GSE1: variants seen among roughly 807,000 people sequenced by gnomAD.
The protein encoded by GSE1 is Gse1 coiled-coil protein, also known as genetic suppressor element 1.
A neutral mutation model predicts 112.6 loss-of-function variants in GSE1; 32 were observed. That is an observed-to-expected ratio of 0.28 (90% CI 0.21 to 0.38). GSE1 has a LOEUF of 0.38. Among genes scored for constraint, GSE1 ranks in the 10% least tolerant of loss-of-function variants. The pLI, the probability that GSE1 is intolerant of heterozygous loss-of-function variation, is 1.00. For synonymous variants in GSE1, 1,115 were observed against 735.6 expected (o/e 1.52, Z -8.35); for missense variants, 2,348 against 1,699.2 (o/e 1.38, Z -6.71).
intron 2 of GSE1, among the ~76,000 whole-genome samples, chr16:85,384,110 T>C (rs1248669843): frequency 6.6e-6 from 1 of 152,080 alleles, no homozygotes; most frequent in East Asian, 1.9e-4. Context: ...GGCCTTGCTA[T>C]GCACAATCAA....
intron 5 of GSE1, 102 bp downstream of exon 5, chr16:85,655,093 C>T (rs1345271419): frequency 7.6e-6 from 6 of 794,250 alleles, no homozygotes; most frequent in African/African-American, 1.7e-5. Flanking sequence ...GAGCCAGGCT[C>T]CTAGGGGAGG....
At chr16:85,634,362 G>T (rs935927409) in intron 2 of GSE1, among the ~76,000 whole-genome samples, 1 of 152,194 alleles carries the variant, frequency 6.6e-6, no homozygotes, top group Non-Finnish European at 1.5e-5. Context: ...GTCCTTCCTC[G>T]GCCCCCGGAG....
At chr16:85,330,576 G>C (rs553680061) in intron 1 of GSE1, among the ~76,000 whole-genome samples, 11 of 152,374 alleles carry the variant, frequency 7.2e-5, no homozygotes, top group Middle Eastern at 3.4e-3. Flanking sequence ...ACTGTGAGGG[G>C]CTGCAGCGCC....
rs869059709 is a variant in GSE1 at position 85,255,412 on chromosome 16, C to CT, written c.2283+83622dup. Among the ~76,000 whole-genome samples the CT allele has an allele frequency of 4.1e-3, 576 of 141,106 alleles. 3 individuals are homozygous for CT. The highest frequency in any genetic ancestry group is 7.8e-3 in the African/African-American group (297 of 38,300). 92.6% of individuals were successfully genotyped at this position (141,106 alleles called of 152,430 possible). ...AAAGTAGGGGTGATGTCAGTGCCTA[C>CT]TTTTTTTTTTTTTTTTTGAGACGGA... On this transcript the variant is annotated intron_variant, in intron 1 of 2. Coordinates refer to the GSE1 transcript ENST00000637419.
intron 2 of GSE1, among the ~76,000 whole-genome samples, chr16:85,517,640 C>G (rs1598035311): frequency 6.6e-6 from 1 of 152,236 alleles, no homozygotes; most frequent in East Asian, 1.9e-4. Context: ...TCGCCACCAC[C>G]TCCAGCCCCG....
intron 1 of GSE1, among the ~76,000 whole-genome samples, chr16:85,296,955 C>T (rs1471158191): frequency 6.6e-6 from 1 of 152,244 alleles, no homozygotes; most frequent in Non-Finnish European, 1.5e-5. Context: ...CTTCCCCGGC[C>T]AGTGCCCGAT....
intron 1 of GSE1, among the ~76,000 whole-genome samples, chr16:85,631,665 C>T (rs1053917805): frequency 2.0e-5 from 3 of 152,250 alleles, no homozygotes; most frequent in African/African-American, 7.2e-5. Context: ...CTGGGGTGCC[C>T]CACAGGCTCT....
Position 85,656,324 on chromosome 16 carries a change from C to G in GSE1, c.990-19C>G. ...GTTCCTGGTGCAGCAGAGCCCCCAA[C>G]TCTTTCCATGTGCTGCAGGCTGCAG... On this transcript the variant is annotated intron_variant, in intron 6 of 15. Coordinates refer to ENST00000253458, the MANE Select transcript of GSE1 (RefSeq NM_014615.5). The G allele has an allele frequency of 3.1e-6, 5 of 1,609,772 alleles. No homozygotes were observed. Among genetic ancestry groups the G allele is most frequent in the Non-Finnish European group, 3.4e-6 (4 of 1,178,314 alleles).
intron 1 of GSE1, among the ~76,000 whole-genome samples, chr16:85,276,198 C>T (rs1262148350): frequency 6.6e-6 from 1 of 152,236 alleles, no homozygotes; most frequent in African/African-American, 2.4e-5. Context: ...CGCCTTGCGG[C>T]GCAGCTGGAA....
chr16:85,359,521 A>T (rs2047020835), intron 2 of GSE1: 1 of 414,312 alleles, frequency 2.4e-6, no homozygotes, highest in Non-Finnish European at 4.9e-6. Flanking sequence ...TGTAAGAGGG[A>T]GCCCTAATAG....
intron 1 of GSE1, among the ~76,000 whole-genome samples, chr16:85,584,954 C>T (rs989982977): frequency 6.6e-6 from 1 of 152,106 alleles, no homozygotes; most frequent in African/African-American, 2.4e-5. Context: ...GCCACGTGGC[C>T]CGGGTTGTCA....
intron 1 of GSE1, among the ~76,000 whole-genome samples, chr16:85,211,568 G>C (rs1006881458): frequency 3.9e-5 from 6 of 152,202 alleles, no homozygotes; most frequent in African/African-American, 1.4e-4. Flanking sequence ...GCAGGGCTGA[G>C]GGTCTGGAGG....
intron 2 of GSE1, among the ~76,000 whole-genome samples, chr16:85,394,395 C>T (rs533388863): frequency 2.0e-5 from 3 of 152,058 alleles, no homozygotes; most frequent in Non-Finnish European, 4.4e-5. Flanking sequence ...CTCAAATAAT[C>T]GGGGAGGTCG....
intron 1 of GSE1, among the ~76,000 whole-genome samples, chr16:85,221,211 G>C (rs2075385375): frequency 6.6e-6 from 1 of 151,980 alleles, no homozygotes; most frequent in African/African-American, 2.4e-5. Context: ...TCCCGTGCTG[G>C]GCGGGCGGGG....
At chr16:85,274,742 A>G (rs1462065442) in intron 1 of GSE1, among the ~76,000 whole-genome samples, 1 of 152,324 alleles carries the variant, frequency 6.6e-6, no homozygotes, top group South Asian at 2.1e-4. Context: ...CAGGCTGACC[A>G]CTGAGGCTGC....
At chr16:85,212,204 G>C (rs372836028) in intron 1 of GSE1, among the ~76,000 whole-genome samples, 1 of 152,198 alleles carries the variant, frequency 6.6e-6, no homozygotes, top group Non-Finnish European at 1.5e-5. Context: ...TCAGGAGATC[G>C]AGACCAGCCT....
chr16:85,606,884 G>A (rs561609996), upstream of GSE1, among the ~76,000 whole-genome samples: 70 of 152,302 alleles, frequency 4.6e-4, no homozygotes, highest in Admixed American at 3.5e-3. Flanking sequence ...TCAAGGGTCC[G>A]AGCGCTGCTC....
At chr16:85,245,465 A>G (rs934284736) in intron 1 of GSE1, among the ~76,000 whole-genome samples, 2 of 152,066 alleles carry the variant, frequency 1.3e-5, no homozygotes, top group Admixed American at 6.6e-5. Context: ...CATGTGTCCT[A>G]TTATTATTGT....
Position 85,616,055 on chromosome 16 carries a change from A to G in GSE1, c.7+2657A>G, listed in dbSNP as rs1451682367. Reference sequence around the variant, plus strand: ...GCAGATCTGAGTGCCTTGTGGTTTCAGAGCAGAAGCCAAGCCTGCCTGTGG... The same window carrying G: ...GCAGATCTGAGTGCCTTGTGGTTTCGGAGCAGAAGCCAAGCCTGCCTGTGG... On this transcript the variant is annotated intron_variant, in intron 1 of 15. Transcript: ENST00000253458. 5.3e-5 allele frequency among the ~76,000 whole-genome samples: 8 copies of G among 152,336 alleles called. No individual in the cohort carries two copies. In the South Asian group the frequency reaches 1.0e-3, roughly 20 times the overall value.
Sources: allele counts gnomAD v4.1 joint callset (sites outside exome capture counted in the v4.1 genomes callset), GRCh38; gene constraint gnomAD v4.1.1; transcripts MANE v1.5; gene names NCBI Gene and HGNC (gene_info 2026-07-23, HGNC 2026-07-21).